Variants in CNTN5 observed in about 807,000 individuals in gnomAD.
CNTN5 encodes the protein contactin 5, also known as contactin-5.
A neutral mutation model predicts 129.1 loss-of-function variants in CNTN5; 77 were observed. The observed-to-expected ratio is 0.60, with a 90% CI of 0.50 to 0.72. The LOEUF (loss-of-function observed/expected upper bound fraction) is 0.72. Among genes scored for constraint, CNTN5 ranks in the 30% least tolerant of loss-of-function variants. CNTN5 has a pLI of 0.00. For missense variants in CNTN5, 1,478 were observed against 1,328.8 expected, an observed-to-expected ratio of 1.11 and a Z score of -1.75; for synonymous variants, 509 against 465.6, an observed-to-expected ratio of 1.09 and a Z score of -1.20.
intron 3 of CNTN5, among the ~76,000 whole-genome samples, chr11:99,618,722 T>C (rs1950836285): frequency 6.6e-6 from 1 of 152,204 alleles, no homozygotes; most frequent in Non-Finnish European, 1.5e-5. Context: ...TTGCTGATTG[T>C]GTCTGTTATA....
At chr11:99,358,341 G>A (rs925081000) in intron 2 of CNTN5, among the ~76,000 whole-genome samples, 17 of 143,080 alleles carry the variant, frequency 1.2e-4, no homozygotes, top group African/African-American at 4.4e-4. Context: ...TGATCCGCCA[G>A]CCTCGGCCTC....
chr11:100,174,945 G>A (rs1565314067), intron 13 of CNTN5, among the ~76,000 whole-genome samples: 1 of 152,106 alleles, frequency 6.6e-6, no homozygotes, highest in Non-Finnish European at 1.5e-5. Flanking sequence ...ACTTTATCTA[G>A]AAGAAAGACC....
At chr11:99,471,479 A>C (rs972349388) in intron 2 of CNTN5, among the ~76,000 whole-genome samples, 1 of 152,054 alleles carries the variant, frequency 6.6e-6, no homozygotes, top group Non-Finnish European at 1.5e-5. Context: ...TTGTCATTCC[A>C]TCAGTGAAGA....
intron 3 of CNTN5, among the ~76,000 whole-genome samples, chr11:99,722,173 T>C (rs962027392): frequency 6.6e-5 from 10 of 152,118 alleles, no homozygotes; most frequent in African/African-American, 2.4e-4. Context: ...CATAAAGATA[T>C]ATGCATGTGA....
At chr11:99,027,254 C>T (rs912840832) in intron 1 of CNTN5, among the ~76,000 whole-genome samples, 33 of 151,582 alleles carry the variant, frequency 2.2e-4, no homozygotes, top group African/African-American at 6.5e-4. Flanking sequence ...CCCAGACTGG[C>T]AGGTTTTCTT....
At chr11:100,036,557 G>A (rs1376743887) in intron 9 of CNTN5, among the ~76,000 whole-genome samples, 2 of 142,376 alleles carry the variant, frequency 1.4e-5, no homozygotes, top group African/African-American at 5.1e-5. Flanking sequence ...ATTACCTTGG[G>A]CAGTATGGCC....
At chr11:99,989,753 A>T (rs72994850) in intron 8 of CNTN5, among the ~76,000 whole-genome samples, 8,561 of 152,118 alleles carry the variant, frequency 0.056, 277 homozygotes, top group Non-Finnish European at 0.076. Context: ...TAAAATTTTA[A>T]AAGTTTGCTC....
intron 1 of CNTN5, among the ~76,000 whole-genome samples, chr11:99,263,893 A>G (rs894919529): frequency 6.6e-6 from 1 of 152,078 alleles, no homozygotes; most frequent in Non-Finnish European, 1.5e-5. Flanking sequence ...ATACTACTCT[A>G]GTTGTTACCC....
At chr11:100,112,072 T>A (rs554098231) in intron 13 of CNTN5, among the ~76,000 whole-genome samples, 58 of 152,312 alleles carry the variant, frequency 3.8e-4, no homozygotes, top group African/African-American at 1.4e-3. Flanking sequence ...CACCTCCGTG[T>A]TGACTTGGAA....
chr11:99,667,982 G>A (rs1952867935), intron 3 of CNTN5, among the ~76,000 whole-genome samples: 1 of 152,052 alleles, frequency 6.6e-6, no homozygotes, highest in South Asian at 2.1e-4. Context: ...TTTGGAAGTT[G>A]TAATTATAAT....
chr11:99,157,326 T>G (rs1860385086), intron 1 of CNTN5, among the ~76,000 whole-genome samples: 1 of 152,072 alleles, frequency 6.6e-6, no homozygotes, highest in African/African-American at 2.4e-5. Context: ...GAAACTATCC[T>G]GTTATATAGA....
At chr11:99,796,979 T>C (rs374021925) in intron 3 of CNTN5, among the ~76,000 whole-genome samples, 1 of 151,838 alleles carries the variant, frequency 6.6e-6, no homozygotes, top group African/African-American at 2.4e-5. Context: ...TCCCTAGGAG[T>C]CTTTGGGTGC....
chr11:100,325,165 T>C (rs192651587), intron 21 of CNTN5, among the ~76,000 whole-genome samples: 4 of 152,210 alleles, frequency 2.6e-5, no homozygotes, highest in Non-Finnish European at 1.5e-5. Flanking sequence ...TAGAAGGACA[T>C]GCCTGATCTT....
chr11:99,119,695 T>A (rs117118807), intron 1 of CNTN5, among the ~76,000 whole-genome samples: 6,951 of 152,190 alleles, frequency 0.046, 184 homozygotes, highest in Middle Eastern at 0.065. Flanking sequence ...TGTTTTTAGA[T>A]CTTTGAGGAA....
chr11:99,194,485 C>T (rs1858802136), intron 1 of CNTN5, among the ~76,000 whole-genome samples: 1 of 152,106 alleles, frequency 6.6e-6, no homozygotes, highest in African/African-American at 2.4e-5. Context: ...TCCCCAAAAG[C>T]TGAAGTTCTC....
intron 18 of CNTN5, among the ~76,000 whole-genome samples, chr11:100,284,864 G>A (rs868094800): frequency 1.1e-4 from 17 of 152,094 alleles, no homozygotes; most frequent in African/African-American, 4.1e-4. Flanking sequence ...ATGTGTGTAT[G>A]TATCTTTTAA....
At chr11:99,779,072 C>A (rs1222066538) in intron 3 of CNTN5, among the ~76,000 whole-genome samples, 4 of 151,764 alleles carry the variant, frequency 2.6e-5, no homozygotes. Flanking sequence ...CTAATTAATA[C>A]AATTTCTTGA....
chr11:99,995,811 C>T (rs773035719), intron 8 of CNTN5, among the ~76,000 whole-genome samples: 1 of 152,118 alleles, frequency 6.6e-6, no homozygotes, highest in Non-Finnish European at 1.5e-5. Context: ...CCAAGGCTAT[C>T]TGATGGCACT....
intron 2 of CNTN5, among the ~76,000 whole-genome samples, chr11:99,364,851 T>C (rs1040947985): frequency 2.0e-5 from 3 of 151,990 alleles, no homozygotes; most frequent in African/African-American, 7.2e-5. Flanking sequence ...GAATTTCTCC[T>C]CCTAAAAGAT....
Sources: allele counts gnomAD v4.1 joint callset (sites outside exome capture counted in the v4.1 genomes callset), GRCh38; gene constraint gnomAD v4.1.1; transcripts MANE v1.5; gene names NCBI Gene and HGNC (gene_info 2026-07-23, HGNC 2026-07-21).